The following TRIM33 variants were observed in gnomAD, a reference collection of about 807,000 sequenced individuals.
TRIM33 encodes the protein E3 ubiquitin-protein ligase TRIM33.
A neutral mutation model predicts 125.4 loss-of-function variants in TRIM33; 20 were observed. That is an observed-to-expected ratio of 0.16 (90% CI 0.11 to 0.23). The LOEUF (loss-of-function observed/expected upper bound fraction) is 0.23, where lower values mean the gene tolerates loss of function less well. Among genes scored for constraint, TRIM33 ranks in the 10% least tolerant of loss-of-function variants. TRIM33 has a pLI of 1.00. For synonymous variants in TRIM33, 564 were observed against 513.9 expected (o/e 1.10, Z -1.32); for missense variants, 920 against 1,411.4 (o/e 0.65, Z 5.58).
chr1:114,403,438 T>C (rs1462781539), intron 15 of TRIM33, among the ~76,000 whole-genome samples: 1 of 152,134 alleles, frequency 6.6e-6, no homozygotes, highest in African/African-American at 2.4e-5. Flanking sequence ...TGGCATAATC[T>C]TGGTTCACTG....
chr1:114,447,392 T>G (rs1649046198), intron 4 of TRIM33, among the ~76,000 whole-genome samples: 1 of 150,618 alleles, frequency 6.6e-6, no homozygotes, highest in Non-Finnish European at 1.5e-5. Context: ...CCTATGCAAC[T>G]GAAAAAAAAA....
At chr1:114,475,643 C>A (rs1355391947) in intron 1 of TRIM33, among the ~76,000 whole-genome samples, 1 of 152,122 alleles carries the variant, frequency 6.6e-6, no homozygotes, top group East Asian at 1.9e-4. Flanking sequence ...GATGGCGCCA[C>A]TGCACTCCAG....
Position 114,396,100 on chromosome 1 carries a change from A to C in TRIM33, c.*1548T>G. On this transcript the variant is annotated 3_prime_UTR_variant, in exon 20 of 20. Transcript: ENST00000358465. ...TGACTTCTGAAAAATATCTAACAGC[A>C]AATTCTTCTATTTTGGTCTCTGAAT... 5.0e-6 allele frequency: 1 copy of C among 201,094 alleles called. No homozygotes were observed. The highest frequency in any genetic ancestry group is 6.0e-5 in the Admixed American group (1 of 16,688). 12.5% of individuals were successfully genotyped at this position (201,094 alleles called of 1,614,324 possible).
intron 1 of TRIM33, among the ~76,000 whole-genome samples, chr1:114,467,927 G>C (rs536189702): frequency 9.2e-5 from 14 of 152,160 alleles, no homozygotes; most frequent in Admixed American, 2.6e-4. Context: ...TTTTCAGATA[G>C]AGAGGGGAGT....
intron 10 of TRIM33, 40 bp from the exon 11 acceptor site, chr1:114,421,676 G>C: frequency 6.3e-7 from 1 of 1,583,702 alleles, no homozygotes; most frequent in Non-Finnish European, 8.7e-7. Context: ...TGATCTGCCA[G>C]AATCGCTGAA....
chr1:114,497,879 GAAAA>G (rs545036301), intron 1 of TRIM33, among the ~76,000 whole-genome samples: 44 of 114,716 alleles, frequency 3.8e-4, no homozygotes, highest in African/African-American at 1.4e-3. Flanking sequence ...AAGATCAAAA[GAAAA>G]AAAAAAAAGT....
At chr1:114,446,579 A>G (rs1189600321) in intron 4 of TRIM33, among the ~76,000 whole-genome samples, 1 of 152,236 alleles carries the variant, frequency 6.6e-6, no homozygotes, top group East Asian at 1.9e-4. Context: ...ACAGCTTAAA[A>G]AGCCAACAGT....
intron 4 of TRIM33, among the ~76,000 whole-genome samples, chr1:114,440,035 TACC>T (rs1648559572): frequency 6.6e-6 from 1 of 152,146 alleles, no homozygotes; most frequent in African/African-American, 2.4e-5. Context: ...CTAAAACCTA[TACC>T]ACTACAAAGC....
chr1:114,419,278 A>G (rs1653130905), intron 11 of TRIM33, among the ~76,000 whole-genome samples: 3 of 147,388 alleles, frequency 2.0e-5, no homozygotes, highest in Admixed American at 2.0e-4. Context: ...ACAAGCCTGC[A>G]AAGAGACTGA....
chr1:114,417,883 T>G (rs1557851981), intron 11 of TRIM33, among the ~76,000 whole-genome samples: 1 of 152,104 alleles, frequency 6.6e-6, no homozygotes, highest in East Asian at 1.9e-4. Flanking sequence ...CTCAAACTCC[T>G]GACCTCAGGT....
chr1:114,506,765 A>C (rs1406991093), intron 1 of TRIM33, among the ~76,000 whole-genome samples: 1 of 152,216 alleles, frequency 6.6e-6, no homozygotes, highest in African/African-American at 2.4e-5. Context: ...TTGAGATTCA[A>C]TATTAACTAA....
intron 4 of TRIM33, among the ~76,000 whole-genome samples, chr1:114,440,160 G>A (rs956180962): frequency 2.6e-5 from 4 of 151,680 alleles, no homozygotes; most frequent in Admixed American, 1.3e-4. Flanking sequence ...GGAAGAGGAG[G>A]GGGGAGACCC....
At chr1:114,413,628 TAAAAAAAAAA>T (rs34538412) in intron 11 of TRIM33, among the ~76,000 whole-genome samples, 2 of 50,860 alleles carry the variant, frequency 3.9e-5, no homozygotes, top group Non-Finnish European at 7.2e-5. Context: ...AGCAAAACTG[TAAAAAAAAAA>T]AAAAAAAAAA....
intron 1 of TRIM33, among the ~76,000 whole-genome samples, chr1:114,489,475 G>A (rs1651917091): frequency 6.6e-6 from 1 of 152,178 alleles, no homozygotes; most frequent in South Asian, 2.1e-4. Flanking sequence ...CAAGTGCAGT[G>A]GCTCACACCT....
At chr1:114,448,582 G>T (rs1159905909) in intron 4 of TRIM33, among the ~76,000 whole-genome samples, 1 of 152,214 alleles carries the variant, frequency 6.6e-6, no homozygotes, top group Non-Finnish European at 1.5e-5. Context: ...AATCAGGACT[G>T]TAGTTATGCC....
chr1:114,468,839 G>A, intron 1 of TRIM33: 1 of 272,372 alleles, frequency 3.7e-6, no homozygotes, highest in Non-Finnish European at 7.2e-6. Context: ...CACATAAGGA[G>A]CTACTGAAGC....
At chr1:114,491,863 A>G (rs1652089996) in intron 1 of TRIM33, among the ~76,000 whole-genome samples, 1 of 152,166 alleles carries the variant, frequency 6.6e-6, no homozygotes, top group African/African-American at 2.4e-5. Context: ...CAAAGCCAAA[A>G]CACTGTAACT....
intron 1 of TRIM33, among the ~76,000 whole-genome samples, chr1:114,479,352 A>AACC (rs1009210199): frequency 6.6e-6 from 1 of 152,004 alleles, no homozygotes; most frequent in Non-Finnish European, 1.5e-5. Context: ...AAATGAATCA[A>AACC]ACCAAACACA....
intron 11 of TRIM33, among the ~76,000 whole-genome samples, chr1:114,417,035 A>C (rs983103247): frequency 6.6e-6 from 1 of 152,250 alleles, no homozygotes; most frequent in Non-Finnish European, 1.5e-5. Context: ...ATGAAATATT[A>C]TTCAGCCATA....
Sources: allele counts gnomAD v4.1 joint callset (sites outside exome capture counted in the v4.1 genomes callset), GRCh38; gene constraint gnomAD v4.1.1; transcripts MANE v1.5; gene names NCBI Gene and HGNC (gene_info 2026-07-23, HGNC 2026-07-21).